The following RABGAP1L variants were observed in gnomAD, a reference collection of about 807,000 sequenced individuals.
RABGAP1L encodes the protein RAB GTPase activating protein 1 like.
A neutral mutation model predicts 137.7 loss-of-function variants in RABGAP1L; 63 were observed. The observed-to-expected ratio is 0.46, with a 90% CI of 0.37 to 0.56. The LOEUF is 0.56. RABGAP1L is among the 20% of genes least tolerant of loss of function. The probability of loss-of-function intolerance (pLI) is 0.00; values close to 1 mark genes in which losing one functional copy is unlikely to be tolerated. For missense variants in RABGAP1L, 1,095 were observed against 1,244.0 expected, an observed-to-expected ratio of 0.88 and a Z score of 1.80; for synonymous variants, 431 against 433.7, an observed-to-expected ratio of 0.99 and a Z score of 0.08.
intron 11 of RABGAP1L, among the ~76,000 whole-genome samples, chr1:174,347,118 T>C (rs893907320): frequency 6.6e-6 from 1 of 150,490 alleles, no homozygotes; most frequent in Non-Finnish European, 1.5e-5. Context: ...AATTTAATAC[T>C]TTTTTTTGGC....
At chr1:174,598,374 G>A (rs571113605) in intron 13 of RABGAP1L, among the ~76,000 whole-genome samples, 1 of 151,178 alleles carries the variant, frequency 6.6e-6, no homozygotes, top group South Asian at 2.1e-4. Flanking sequence ...TCTATGCACT[G>A]AGGAGAAGCA....
At chr1:174,204,850 C>T (rs1007284701) in intron 1 of RABGAP1L, among the ~76,000 whole-genome samples, 2 of 152,146 alleles carry the variant, frequency 1.3e-5, no homozygotes, top group Admixed American at 6.5e-5. Context: ...CTTTCCTGCT[C>T]CTCCATGGTA....
intron 1 of RABGAP1L, among the ~76,000 whole-genome samples, chr1:174,204,049 T>G (rs1668325959): frequency 6.6e-6 from 1 of 152,062 alleles, no homozygotes; most frequent in Admixed American, 6.6e-5. Flanking sequence ...CTTCCCAGGT[T>G]CAAGTGTTCT....
At chr1:174,791,105 T>C (rs1016063088) in intron 18 of RABGAP1L, among the ~76,000 whole-genome samples, 4 of 149,502 alleles carry the variant, frequency 2.7e-5, no homozygotes, top group African/African-American at 9.9e-5. Flanking sequence ...ACAGGAGAAT[T>C]GCTTGAACCC....
intron 20 of RABGAP1L, among the ~76,000 whole-genome samples, chr1:174,962,871 G>A (rs1256360008): frequency 6.6e-6 from 1 of 152,142 alleles, no homozygotes; most frequent in Non-Finnish European, 1.5e-5. Flanking sequence ...GCCAAGGCAG[G>A]TGGATCACTT....
intron 25 of RABGAP1L, 105 bp from the exon 26 acceptor site, chr1:174,989,744 T>C (rs1294816493): frequency 4.0e-6 from 5 of 1,263,474 alleles, no homozygotes; most frequent in South Asian, 3.1e-5. Context: ...GGGAGGAAAA[T>C]TGGCAGCACA....
intron 13 of RABGAP1L, among the ~76,000 whole-genome samples, chr1:174,606,090 A>G (rs1052465252): frequency 2.0e-5 from 3 of 152,118 alleles, no homozygotes; most frequent in African/African-American, 7.2e-5. Flanking sequence ...AGTTAGGGAG[A>G]ATTTATTTTG....
intron 17 of RABGAP1L, among the ~76,000 whole-genome samples, chr1:174,747,217 A>C (rs768718265): frequency 6.6e-6 from 1 of 152,098 alleles, no homozygotes; most frequent in Non-Finnish European, 1.5e-5. Context: ...AGCTTGGGCA[A>C]CATAGGGATA....
chr1:174,565,753 G>A (rs1367573134), intron 13 of RABGAP1L, among the ~76,000 whole-genome samples: 1 of 152,122 alleles, frequency 6.6e-6, no homozygotes, highest in African/African-American at 2.4e-5. Flanking sequence ...TTTTCAGACA[G>A]GTAATTGTTG....
intron 14 of RABGAP1L, among the ~76,000 whole-genome samples, chr1:174,656,923 C>T (rs1676013978): frequency 6.6e-6 from 1 of 152,120 alleles, no homozygotes; most frequent in South Asian, 2.1e-4. Flanking sequence ...GCTTTCACCT[C>T]CTGCTTGTAT....
intron 11 of RABGAP1L, among the ~76,000 whole-genome samples, chr1:174,307,643 G>T (rs1678422907): frequency 6.6e-6 from 1 of 152,094 alleles, no homozygotes; most frequent in South Asian, 2.1e-4. Flanking sequence ...GATATAGCAG[G>T]TGTCAGTATT....
chr1:174,438,744 G>GTA (rs71117563), intron 13 of RABGAP1L, among the ~76,000 whole-genome samples: 13,223 of 95,002 alleles, frequency 0.14, 974 homozygotes, highest in East Asian at 0.18. Context: ...GTGTGTGTGT[G>GTA]TATATATATA....
intron 19 of RABGAP1L, among the ~76,000 whole-genome samples, chr1:174,919,019 CTTTT>C (rs778211199): frequency 5.2e-5 from 7 of 134,728 alleles, no homozygotes; most frequent in Non-Finnish European, 3.2e-5. Flanking sequence ...TGTCTTTTTT[CTTTT>C]TTTTTTTTTT....
chr1:174,590,422 C>G lies in RABGAP1L; in HGVS notation c.1711-46953C>G, dbSNP rs1190932452. ...TGTGCAGGTTAGTTACATATGTATA[C>G]ATGTGCCATGCTGGTGCGCTGCACC... is the stretch of plus-strand genomic sequence containing the variant. On this transcript the variant is annotated intron_variant, in intron 13 of 25. Transcript: ENST00000681986. Among the ~76,000 whole-genome samples, 6 of 115,670 alleles carry G rather than the reference C, an allele frequency of 5.2e-5. No individual in the cohort carries two copies. The Admixed American group carries it at 5.6e-4, about 11-fold the overall frequency. 75.9% of individuals were successfully genotyped at this position (115,670 alleles called of 152,430 possible).
chr1:174,874,565 T>G, intron 19 of RABGAP1L: 45 of 405,512 alleles, frequency 1.1e-4, no homozygotes, highest in South Asian at 2.1e-4. Context: ...CAGGTAATTC[T>G]CCACACCACT....
intron 14 of RABGAP1L, among the ~76,000 whole-genome samples, chr1:174,658,748 C>T (rs1676154220): frequency 1.3e-5 from 2 of 152,172 alleles, no homozygotes; most frequent in African/African-American, 4.8e-5. Flanking sequence ...TTCTATCTTG[C>T]TCTGCCTAAT....
chr1:174,486,223 CTTTT>C (rs201692363), intron 13 of RABGAP1L, among the ~76,000 whole-genome samples: 2 of 119,882 alleles, frequency 1.7e-5, no homozygotes, highest in South Asian at 2.8e-4. Context: ...GTTCTTTTTT[CTTTT>C]TTTTTTTTTT....
chr1:174,899,564 A>G (rs1657798711), intron 19 of RABGAP1L, among the ~76,000 whole-genome samples: 1 of 152,156 alleles, frequency 6.6e-6, no homozygotes, highest in African/African-American at 2.4e-5. Context: ...AAAGATCCCT[A>G]ATGTGAGTTT....
chr1:174,678,086 A>T (rs968758565), intron 14 of RABGAP1L, among the ~76,000 whole-genome samples: 1 of 152,190 alleles, frequency 6.6e-6, no homozygotes, highest in African/African-American at 2.4e-5. Flanking sequence ...TACAGATATT[A>T]AAAAGTCAAT....
Sources: gnomAD v4.1 joint callset for allele counts (sites outside exome capture counted in the v4.1 genomes callset) on GRCh38, gnomAD v4.1.1 for gene constraint, MANE v1.5 for transcripts, NCBI Gene and HGNC (gene_info 2026-07-23, HGNC 2026-07-21) for gene names.